The following MYO15B variants were observed in gnomAD, a reference collection of about 807,000 sequenced individuals.
MYO15B encodes the protein myosin XVB pseudogene.
MYO15B carries 207 observed loss-of-function variants against 119.3 expected under a neutral mutation model. The observed-to-expected ratio is 1.73, with a 90% CI of 1.55 to 1.95. The LOEUF (loss-of-function observed/expected upper bound fraction) is 1.95, where lower values mean the gene tolerates loss of function less well. Among genes scored for constraint, MYO15B ranks in the 30% most tolerant of loss-of-function variants. The pLI, the probability that MYO15B is intolerant of heterozygous loss-of-function variation, is 0.00. For synonymous variants in MYO15B, 966 were observed against 498.9 expected (o/e 1.94, Z -12.48); for missense variants, 2,264 against 1,203.1 (o/e 1.88, Z -13.04).
intron 19 of MYO15B, among the ~76,000 whole-genome samples, chr17:75,604,038 A>T (rs2057457793): frequency 6.6e-6 from 1 of 152,130 alleles, no homozygotes; most frequent in Non-Finnish European, 1.5e-5. Context: ...GGACCTCCTT[A>T]GCCTGTGATG....
intron 59 of MYO15B, 60 bp downstream of exon 59, chr17:75,624,976 C>T (rs1264000173): frequency 1.2e-5 from 8 of 688,214 alleles, no homozygotes; most frequent in East Asian, 5.4e-5. Flanking sequence ...CCTGCCTGGG[C>T]GACCTCCAAG....
Position 75,594,549 on chromosome 17 carries a change from AC to A in MYO15B, c.3068del (p.Pro1023GlnfsTer49). The A allele has an allele frequency of 1.5e-6, 1 of 646,414 alleles. No individual in the cohort carries two copies. The highest frequency in any genetic ancestry group is 1.7e-5 in the South Asian group (1 of 58,342). 40.0% of individuals were successfully genotyped at this position (646,414 alleles called of 1,614,324 possible). A position where few individuals can be genotyped will look rare whatever the true frequency, so the allele number is the denominator to read the frequency against. ...CAGCAGCCCGACTGCTGCGGGTACC[AC>A]CAGAGTGCCTGGAGGGGGCTGTCAC... On this transcript the variant is annotated frameshift_variant, in exon 10 of 64. Transcript: ENST00000645453. LOFTEE classifies it high-confidence loss of function.
At chr17:75,597,375 C>T (rs2056931830) in intron 14 of MYO15B, among the ~76,000 whole-genome samples, 1 of 152,236 alleles carries the variant, frequency 6.6e-6, no homozygotes, top group Admixed American at 6.5e-5. Context: ...GTCCCTGTTT[C>T]CCGTTTCAGC....
exon 52 of MYO15B, chr17:75,621,515 G>A (rs1438777237): frequency 1.3e-5 from 9 of 702,284 alleles, no homozygotes; most frequent in South Asian, 3.0e-5. Flanking sequence ...CCATCCAGGA[G>A]TCGCTCCTCA....
Position 75,589,028 on chromosome 17 carries a change from C to G in MYO15B, c.971C>G (p.Ala324Gly). The G allele has an allele frequency of 2.5e-6, 1 of 397,398 alleles. No individual in the cohort carries two copies. Among genetic ancestry groups the G allele is most frequent in the East Asian group, 3.6e-5 (1 of 28,008 alleles). 24.6% of individuals were successfully genotyped at this position (397,398 alleles called of 1,614,324 possible). ...GGCGAGGGCGAAGCGGGAGCCGCAGCAGGAGCGGGGCCGGAGGACCCAGCC... is the reference window on the plus strand; with the variant it reads ...GGCGAGGGCGAAGCGGGAGCCGCAGGAGGAGCGGGGCCGGAGGACCCAGCC... The change falls in exon 1 of 64, where the codon GCA becomes GGA. Residue 324 changes from alanine (A) to glycine (G), a missense_variant. By Grantham distance (60) the Ala-to-Gly change is moderately conservative (BLOSUM62 0). Transcript: ENST00000645453. This position sits in a 1 kb window ranked among gnomAD's most constrained non-coding sequence, Gnocchi z 4.2.
intron 35 of MYO15B, 34 bp downstream of exon 35, chr17:75,615,634 G>A (rs1025979982): frequency 7.4e-6 from 5 of 671,786 alleles, no homozygotes; most frequent in Non-Finnish European, 1.4e-5. Flanking sequence ...GCCACCTGGT[G>A]GAGGAGAGGT....
intron 42 of MYO15B, 82 bp from the exon 43 acceptor site, chr17:75,618,044 T>C: frequency 1.4e-6 from 1 of 694,300 alleles, no homozygotes; most frequent in Non-Finnish European, 2.6e-6. Context: ...TCAAGGCTGA[T>C]TTTCCAGGCC....
exon 14 of MYO15B, chr17:75,596,878 C>G (rs948716975): frequency 2.8e-6 from 2 of 702,264 alleles, no homozygotes; most frequent in Admixed American, 4.0e-5. Context: ...GTATCCTGGA[C>G]GCCCAGACAT....
At chr17:75,592,103 G>A (rs1211574109) in intron 6 of MYO15B, 23 bp downstream of exon 6, 4 of 702,676 alleles carry the variant, frequency 5.7e-6, no homozygotes, top group East Asian at 2.7e-5. Flanking sequence ...GTTGCAGGGG[G>A]CACCTACAAT....
chr17:75,600,290 G>C (rs906547013), intron 14 of MYO15B, among the ~76,000 whole-genome samples: 1 of 151,962 alleles, frequency 6.6e-6, no homozygotes, highest in African/African-American at 2.4e-5. Context: ...GCCTCCCAAA[G>C]TGCTGGGATT....
chr17:75,602,851 G>C lies in MYO15B; in HGVS notation c.3751G>C (p.Glu1251Gln), dbSNP rs1410836861. The change falls in exon 17 of 64, where the codon GAG (glutamate) becomes CAG (glutamine). Residue 1251 changes from glutamate to glutamine, a missense_variant. Glu to Gln is a conservative substitution (Grantham distance 29). Transcript: ENST00000645453. ...ACAGCTGGTGGGCAGCCTGTTCCAG[G>C]AGGCAGAGCCCCAGTCCAGGGGAGG... 11 of 639,688 alleles carry C rather than the reference G, an allele frequency of 1.7e-5. No homozygotes were observed. The East Asian group carries it at 2.4e-4, about 14-fold the overall frequency. The allele number at this position is 639,688 out of a possible 1,614,324, so 39.6% of individuals were successfully genotyped here. A position where few individuals can be genotyped will look rare whatever the true frequency, so the allele number is the denominator to read the frequency against.
chr17:75,619,853 T>C (rs820149), intron 46 of MYO15B, 26 bp from the exon 47 acceptor site: 239,369 of 701,566 alleles, frequency 0.34, 42,506 homozygotes, highest in Middle Eastern at 0.43. Flanking sequence ...CAAGGTGACC[T>C]CAGTTCATGC....
chr17:75,592,514 A>C (rs1019460205), exon 8 of MYO15B: 2 of 606,188 alleles, frequency 3.3e-6, no homozygotes, highest in Admixed American at 5.7e-5. Flanking sequence ...CCCTGCAGGG[A>C]CCGGAGACTT....
intron 14 of MYO15B, among the ~76,000 whole-genome samples, chr17:75,598,199 C>G (rs1395324609): frequency 1.3e-5 from 2 of 148,616 alleles, no homozygotes; most frequent in Admixed American, 6.8e-5. Flanking sequence ...ACCCAGGAGG[C>G]GGAGGTTGCA....
intron 21 of MYO15B, among the ~76,000 whole-genome samples, chr17:75,606,713 T>C (rs1414450891): frequency 3.3e-5 from 5 of 152,128 alleles, no homozygotes; most frequent in African/African-American, 1.2e-4. Context: ...CCTCAGGTGA[T>C]CCGCCCGCCT....
intron 15 of MYO15B, 136 bp from the exon 16 acceptor site, chr17:75,602,381 C>T (rs2057339801): frequency 2.9e-6 from 2 of 700,700 alleles, no homozygotes; most frequent in African/African-American, 3.5e-5. Flanking sequence ...AGGTAAAGGG[C>T]TGGAAACACC....
chr17:75,604,527 GCCCCTCCCTTCCACA>G (rs1037436080), intron 19 of MYO15B, among the ~76,000 whole-genome samples: 12 of 106,724 alleles, frequency 1.1e-4, no homozygotes, highest in Non-Finnish European at 9.3e-5. Flanking sequence ...TCCCTTCCAT[GCCCCTCCCTTCCACA>G]CCCCTCCCTC....
chr17:75,617,579 G>GACACATACACGACA, intron 41 of MYO15B: 1 of 572,682 alleles, frequency 1.7e-6, no homozygotes, highest in Non-Finnish European at 3.1e-6. Context: ...GGAAGTTAGT[G>GACACATACACGACA]GCCCTGGCTG....
exon 1 of MYO15B, chr17:75,588,932 T>C: frequency 2.5e-6 from 1 of 398,176 alleles, no homozygotes; most frequent in Admixed American, 4.4e-5. Flanking sequence ...CCAGAAACAA[T>C]GCAGGCCTCG....
Sources: gnomAD v4.1 joint callset for allele counts (sites outside exome capture counted in the v4.1 genomes callset) on GRCh38, gnomAD v4.1.1 for gene constraint, Gnocchi (gnomAD v3.1) non-coding constraint, MANE v1.5 for transcripts, NCBI Gene and HGNC (gene_info 2026-07-23, HGNC 2026-07-21) for gene names.